EGFLAM: variants seen among roughly 807,000 people sequenced by gnomAD.
EGFLAM encodes the protein pikachurin.
EGFLAM carries 79 observed loss-of-function variants against 113.1 expected under a neutral mutation model. The observed-to-expected ratio is 0.70, with a 90% CI of 0.58 to 0.84. EGFLAM has a LOEUF of 0.84. Among genes scored for constraint, EGFLAM ranks in the 40% least tolerant of loss-of-function variants. EGFLAM has a pLI of 0.00. For synonymous variants in EGFLAM, 504 were observed against 487.6 expected, an observed-to-expected ratio of 1.03 and a Z score of -0.44; for missense variants, 1,265 against 1,291.6, an observed-to-expected ratio of 0.98 and a Z score of 0.32.
intron 6 of EGFLAM, among the ~76,000 whole-genome samples, chr5:38,386,440 G>A (rs537896866): frequency 8.5e-5 from 13 of 152,308 alleles, no homozygotes; most frequent in East Asian, 3.9e-4. Context: ...TGACCCACCC[G>A]CTTTGACCTC....
At chr5:38,350,392 T>A in intron 3 of EGFLAM, 109 bp from the exon 4 acceptor site, 1 of 1,049,252 alleles carries the variant, frequency 9.5e-7, no homozygotes, top group Non-Finnish European at 1.4e-6. Flanking sequence ...ACATTCTCTG[T>A]GCCAAGCAGT....
At chr5:38,325,853 T>G (rs937027616) in intron 1 of EGFLAM, among the ~76,000 whole-genome samples, 2 of 152,156 alleles carry the variant, frequency 1.3e-5, no homozygotes, top group Non-Finnish European at 2.9e-5. Flanking sequence ...AGATTCAGTA[T>G]GAAATTTTAG....
intron 3 of EGFLAM, among the ~76,000 whole-genome samples, chr5:38,342,596 A>C (rs1739364142): frequency 6.6e-6 from 1 of 152,176 alleles, no homozygotes. Context: ...ATTTGGCAGC[A>C]TTTCAAGCCC....
chr5:38,396,182 C>T (rs1740957719), intron 6 of EGFLAM, among the ~76,000 whole-genome samples: 1 of 152,156 alleles, frequency 6.6e-6, no homozygotes, highest in Non-Finnish European at 1.5e-5. Context: ...AAACATATCA[C>T]ATGCCATTAA....
At chr5:38,313,742 G>A (rs1242251899) in intron 1 of EGFLAM, among the ~76,000 whole-genome samples, 1 of 152,098 alleles carries the variant, frequency 6.6e-6, no homozygotes, top group African/African-American at 2.4e-5. Context: ...AATTACTCAT[G>A]TAATATTTGA....
chr5:38,463,106 C>A, intron 21 of EGFLAM, 95 bp downstream of exon 21: 1 of 1,190,396 alleles, frequency 8.4e-7, no homozygotes, highest in Non-Finnish European at 1.2e-6. Flanking sequence ...TTTGCTGGAT[C>A]AAATACCTGT....
intron 5 of EGFLAM, among the ~76,000 whole-genome samples, chr5:38,356,789 G>A (rs1739772774): frequency 6.6e-6 from 1 of 152,208 alleles, no homozygotes; most frequent in Admixed American, 6.5e-5. Flanking sequence ...TCCCATTATA[G>A]GTGAGTGAAT....
chr5:38,305,419 C>T (rs915585692), intron 1 of EGFLAM: 3 of 453,678 alleles, frequency 6.6e-6, no homozygotes, highest in Non-Finnish European at 1.3e-5. Flanking sequence ...ACCTCCTTTA[C>T]ATCTTTTCTC....
In EGFLAM at chr5:38,371,797, C is replaced by T. The variant is rs571582520; in HGVS notation, c.712+1335C>T. Among the ~76,000 whole-genome samples, 5 of 152,234 alleles carry T rather than the reference C, an allele frequency of 3.3e-5. No homozygotes were observed. The South Asian group carries it at 8.3e-4, about 25-fold the overall frequency. ...CTTCCTAGAAGAAATGTTGATGATT[C>T]GATTTAAAGGAAGGCCTTGTTTGAT... On this transcript the variant is annotated intron_variant, in intron 6 of 21. Coordinates refer to ENST00000322350, the MANE Select transcript of EGFLAM (RefSeq NM_152403.4).
intron 1 of EGFLAM, among the ~76,000 whole-genome samples, chr5:38,309,699 G>A (rs1243890071): frequency 6.6e-6 from 1 of 152,184 alleles, no homozygotes; most frequent in Non-Finnish European, 1.5e-5. Context: ...ATACATGAAG[G>A]TTGCAGCTCC....
At chr5:38,264,789 A>G in intron 1 of EGFLAM, among the ~76,000 whole-genome samples, 1 of 152,196 alleles carries the variant, frequency 6.6e-6, no homozygotes, top group East Asian at 1.9e-4. Context: ...TTTAGCTCAC[A>G]AAAGCCGTGG....
chr5:38,307,097 T>G (rs1337799260), intron 1 of EGFLAM, among the ~76,000 whole-genome samples: 1 of 152,218 alleles, frequency 6.6e-6, no homozygotes, highest in Non-Finnish European at 1.5e-5. Context: ...TGTGTGGAGC[T>G]GAGACAAATT....
At chr5:38,441,940 GAC>G (rs1742549004) in intron 17 of EGFLAM, among the ~76,000 whole-genome samples, 1 of 152,124 alleles carries the variant, frequency 6.6e-6, no homozygotes, top group African/African-American at 2.4e-5. Context: ...CCCCGCATAA[GAC>G]AGAGCCAATA....
chr5:38,259,504 T>A (rs1429637408), intron 1 of EGFLAM, among the ~76,000 whole-genome samples: 1 of 152,264 alleles, frequency 6.6e-6, no homozygotes, highest in Non-Finnish European at 1.5e-5. Context: ...GAAACCATAA[T>A]AACGTGTGTT....
chr5:38,446,487 A>G (rs1317949451), intron 17 of EGFLAM, among the ~76,000 whole-genome samples: 1 of 151,226 alleles, frequency 6.6e-6, no homozygotes. Context: ...TTTGCCCCCC[A>G]ACTCTTTTTT....
chr5:38,406,169 C>G lies in EGFLAM; in HGVS notation c.756C>G (p.Ile252Met). Reference sequence around the variant, plus strand: ...GTGGCCGCTATGGACCCCGTTATATCACCGACATGGGAGCTGGTGAGGATG... The same window carrying G: ...GTGGCCGCTATGGACCCCGTTATATGACCGACATGGGAGCTGGTGAGGATG... ...AGSGRYGPRY[I>M]TDMGAGEDDE... is the part of the protein sequence containing the mutation. Residue 252 changes from isoleucine to methionine, a missense_variant, in exon 7 of 22, where the codon ATC becomes ATG. By Grantham distance (10) the Ile-to-Met change is conservative (BLOSUM62 1). Coordinates refer to ENST00000322350, the MANE Select transcript of EGFLAM (RefSeq NM_152403.4). 3 of 1,614,154 alleles carry G rather than the reference C, an allele frequency of 1.9e-6. No individual in the cohort carries two copies. Among genetic ancestry groups the G allele is most frequent in the Non-Finnish European group, 2.5e-6 (3 of 1,180,026 alleles).
chr5:38,386,361 T>TCTG (rs1740662425), intron 6 of EGFLAM, among the ~76,000 whole-genome samples: 1 of 152,038 alleles, frequency 6.6e-6, no homozygotes, highest in African/African-American at 2.4e-5. Context: ...GCCTGGCTAA[T>TCTG]TTTGTATTTT....
At chr5:38,342,987 G>C (rs1274981689) in intron 3 of EGFLAM, among the ~76,000 whole-genome samples, 2 of 152,150 alleles carry the variant, frequency 1.3e-5, no homozygotes, top group African/African-American at 2.4e-5. Flanking sequence ...TCCACTGGTT[G>C]ACCCAGAACT....
chr5:38,395,239 CTTTTTTTT>C (rs1221649921), intron 6 of EGFLAM, among the ~76,000 whole-genome samples: 6 of 114,666 alleles, frequency 5.2e-5, no homozygotes, highest in Middle Eastern at 4.9e-3. Flanking sequence ...CATGCCTAGC[CTTTTTTTT>C]TTTTTTTTTT....
Sources: allele counts gnomAD v4.1 joint callset (sites outside exome capture counted in the v4.1 genomes callset), GRCh38; gene constraint gnomAD v4.1.1; transcripts MANE v1.5; gene names NCBI Gene and HGNC (gene_info 2026-07-23, HGNC 2026-07-21).